TFDP2: variants seen among roughly 807,000 people sequenced by gnomAD.
TFDP2 encodes transcription factor Dp-2, also known as transcription factor Dp-2 (E2F dimerization partner 2).
Under a neutral mutation model 59.3 loss-of-function variants are expected in TFDP2, and 17 were observed. The ratio of observed to expected loss-of-function variants is 0.29; its 90% confidence interval spans 0.20 to 0.43. The LOEUF (loss-of-function observed/expected upper bound fraction) is 0.43. Ranked by LOEUF, TFDP2 falls within the 20% of genes least tolerant of loss-of-function variation. The pLI is 1.00. For missense variants in TFDP2, 391 were observed against 528.8 expected (o/e 0.74, Z 2.56); for synonymous variants, 180 against 194.7 (o/e 0.92, Z 0.63).
intron 1 of TFDP2, among the ~76,000 whole-genome samples, chr3:142,113,147 G>T (rs2061719111): frequency 6.6e-6 from 1 of 152,190 alleles, no homozygotes; most frequent in South Asian, 2.1e-4. Flanking sequence ...CACATATGCT[G>T]CTTAGCAAAG....
chr3:142,149,236 G>C lies in TFDP2; in HGVS notation c.-146C>G. On this transcript the variant is annotated 5_prime_UTR_variant, in exon 1 of 13. Coordinates refer to ENST00000489671, the MANE Select transcript of TFDP2 (RefSeq NM_001178139.2). Reference sequence around the variant, plus strand: ...CAAGCGAGGCTGTCGGGCCGAGCCAGGAGCGCGTCTTCGGGCGCCGCCGCT... The same window carrying C: ...CAAGCGAGGCTGTCGGGCCGAGCCACGAGCGCGTCTTCGGGCGCCGCCGCT... 5.0e-6 allele frequency: 2 copies of C among 397,594 alleles called. No individual in the cohort carries two copies. The highest frequency in any genetic ancestry group is 4.4e-6 in the Non-Finnish European group (1 of 225,330). The allele number at this position is 397,594 out of a possible 1,614,324, so 24.6% of individuals were successfully genotyped here. A position where few individuals can be genotyped will look rare whatever the true frequency, so the allele number is the denominator to read the frequency against.
intron 3 of TFDP2, among the ~76,000 whole-genome samples, chr3:142,083,743 T>TA (rs2060716815): frequency 6.6e-6 from 1 of 152,078 alleles, no homozygotes; most frequent in African/African-American, 2.4e-5. Flanking sequence ...GCCAACAACA[T>TA]ACACTGGAGA....
At chr3:142,089,260 T>G (rs1576952702) in intron 3 of TFDP2, among the ~76,000 whole-genome samples, 1 of 147,394 alleles carries the variant, frequency 6.8e-6, no homozygotes. Flanking sequence ...AAGAACCCAA[T>G]GGAAATTCTC....
chr3:142,085,812 T>C (rs1206844016), intron 3 of TFDP2, among the ~76,000 whole-genome samples: 1 of 152,162 alleles, frequency 6.6e-6, no homozygotes, highest in Non-Finnish European at 1.5e-5. Flanking sequence ...ATATATTGGA[T>C]TCCATGTAAG....
intron 3 of TFDP2, among the ~76,000 whole-genome samples, chr3:142,053,201 C>G (rs1947733619): frequency 6.6e-6 from 1 of 152,158 alleles, no homozygotes; most frequent in Admixed American, 6.5e-5. Flanking sequence ...TTTGTCCGCT[C>G]CAAATCTCAT....
intron 3 of TFDP2, among the ~76,000 whole-genome samples, chr3:142,065,245 G>C (rs971149430): frequency 7.2e-5 from 11 of 151,914 alleles, no homozygotes; most frequent in Non-Finnish European, 1.3e-4. Flanking sequence ...TGCCTCCCAG[G>C]CTCAAGCAAT....
At chr3:142,092,924 C>T (rs2061045310) in intron 3 of TFDP2, 137 bp downstream of exon 3, 1 of 579,260 alleles carries the variant, frequency 1.7e-6, no homozygotes, top group Non-Finnish European at 2.8e-6. Flanking sequence ...TCATACAGCA[C>T]AAGTTATGTG....
At chr3:141,995,922 TTAAA>T in intron 4 of TFDP2, among the ~76,000 whole-genome samples, 1 of 151,260 alleles carries the variant, frequency 6.6e-6, no homozygotes. Context: ...ATTCATGTTA[TTAAA>T]TACTCTTTGA....
In TFDP2 at chr3:141,950,309, G is replaced by A. The variant is rs1164397548; in HGVS notation, c.*2204C>T. 2 of 152,170 alleles carry A rather than the reference G, an allele frequency of 1.3e-5. No homozygotes were observed. Among genetic ancestry groups the A allele is most frequent in the East Asian group, 3.9e-4 (2 of 5,190 alleles). The allele number at this position is 152,170 out of a possible 1,614,324, so 9.4% of individuals were successfully genotyped here. A position where few individuals can be genotyped will look rare whatever the true frequency, so the allele number is the denominator to read the frequency against. ...GTCACTCTGTGAGCTGGCCTCACCA[G>A]TAACCCAAACACAACGCTGAGGAAG... On this transcript the variant is annotated 3_prime_UTR_variant, in exon 13 of 13. Coordinates refer to ENST00000489671, the MANE Select transcript of TFDP2 (RefSeq NM_001178139.2).
In TFDP2 at chr3:141,952,613, C is replaced by A. The variant is rs756237536; in HGVS notation, c.1241G>T (p.Ser414Ile). The change falls in exon 13 of 13, where the codon AGT (serine) becomes ATT (isoleucine). Residue 414 changes from serine to isoleucine, a missense_variant. Coordinates refer to ENST00000489671, the MANE Select transcript of TFDP2 (RefSeq NM_001178139.2). ...FLAPNSHQSS[S>I]AASHCSESRG... is the part of the protein sequence containing the mutation. ...GGACTCGGAGCAGTGAGAGGCCGCA[C>A]TGCTGGACTGGTGACTGTTTGGGGC... 6 of 1,589,178 alleles carry A rather than the reference C, an allele frequency of 3.8e-6. No homozygotes were observed. The highest frequency in any genetic ancestry group is 2.7e-5 in the African/African-American group (2 of 73,068).
At chr3:142,077,349 G>GA (rs2060493061) in intron 3 of TFDP2, among the ~76,000 whole-genome samples, 1 of 152,110 alleles carries the variant, frequency 6.6e-6, no homozygotes, top group Non-Finnish European at 1.5e-5. Flanking sequence ...CATCAACAGG[G>GA]GTGGCTAAGG....
At chr3:142,092,991 C>T in intron 3 of TFDP2, 70 bp downstream of exon 3, 2 of 1,007,364 alleles carry the variant, frequency 2.0e-6, no homozygotes, top group African/African-American at 1.6e-5. Context: ...ATTCATGTAG[C>T]TGCATATTTT....
chr3:142,129,156 C>T (rs1333106923), intron 1 of TFDP2, among the ~76,000 whole-genome samples: 3 of 151,682 alleles, frequency 2.0e-5, no homozygotes, highest in Admixed American at 6.6e-5. Context: ...GAGGGTTTCA[C>T]CATTTTTTAC....
intron 1 of TFDP2, among the ~76,000 whole-genome samples, chr3:142,134,544 TTGG>T (rs768515214): frequency 3.9e-5 from 6 of 152,026 alleles, no homozygotes; most frequent in Non-Finnish European, 7.4e-5. Flanking sequence ...AAATAAATAG[TTGG>T]TGGGCTGATA....
At chr3:141,987,938 C>CAAAAAAA (rs373394427) in intron 6 of TFDP2, among the ~76,000 whole-genome samples, 1,869 of 129,466 alleles carry the variant, frequency 0.014, 28 homozygotes, top group Non-Finnish European at 0.022. Flanking sequence ...GACCCTGCCT[C>CAAAAAAA]AAAAAAAAAA....
In TFDP2 at chr3:142,093,054, T is replaced by C; in HGVS notation, c.82+7A>G. The C allele has an allele frequency of 6.5e-7, 1 of 1,528,528 alleles. No homozygotes were observed. Among genetic ancestry groups the C allele is most frequent in the South Asian group, 1.2e-5 (1 of 81,512 alleles). The allele number at this position is 1,528,528 out of a possible 1,614,324, so 94.7% of individuals were successfully genotyped here. ...AATTCAGAAAAATTTTATTCAATAA[T>C]CCTTACCTTTTGTTGGACTGAGATT... On this transcript the variant is annotated splice_region_variant and intron_variant, in intron 3 of 12. Coordinates refer to ENST00000489671, the MANE Select transcript of TFDP2 (RefSeq NM_001178139.2).
At chr3:142,011,020 A>G (rs1177274478) in intron 3 of TFDP2, among the ~76,000 whole-genome samples, 6 of 90,632 alleles carry the variant, frequency 6.6e-5, no homozygotes, top group Admixed American at 2.7e-4. Flanking sequence ...ACCATTGTGG[A>G]AGTCAGTGTG....
At chr3:142,041,090 C>G (rs1946944818) in intron 3 of TFDP2, among the ~76,000 whole-genome samples, 1 of 152,096 alleles carries the variant, frequency 6.6e-6, no homozygotes, top group Non-Finnish European at 1.5e-5. Flanking sequence ...TGTCAATTCT[C>G]CTAGTGAATT....
intron 6 of TFDP2, among the ~76,000 whole-genome samples, chr3:141,992,486 T>C (rs932399261): frequency 3.3e-5 from 5 of 152,254 alleles, no homozygotes; most frequent in African/African-American, 9.6e-5. Flanking sequence ...AGTTCCATTT[T>C]AAGGCCTTAA....
Sources: gnomAD v4.1 joint callset for allele counts (sites outside exome capture counted in the v4.1 genomes callset) on GRCh38, gnomAD v4.1.1 for gene constraint, MANE v1.5 for transcripts, NCBI Gene and HGNC (gene_info 2026-07-23, HGNC 2026-07-21) for gene names.